Variants in EEIG2 observed in about 807,000 individuals in gnomAD.
EEIG2 encodes the protein EEIG family member 2.
the EEIG2 span, chr1:108,629,521 A>C: frequency 2.8e-6 from 3 of 1,061,878 alleles, no homozygotes; most frequent in Non-Finnish European, 2.8e-6. Context: ...AATTATTACA[A>C]TATCCATATA....
At chr1:108,583,656 G>A in the EEIG2 span, among the ~76,000 whole-genome samples, 1 of 151,996 alleles carries the variant, frequency 6.6e-6, no homozygotes, top group East Asian at 1.9e-4. Context: ...AGTGTAAGAA[G>A]CAAGTGAGGT....
the EEIG2 span, among the ~76,000 whole-genome samples, chr1:108,615,951 A>G: frequency 6.6e-6 from 1 of 152,158 alleles, no homozygotes; most frequent in East Asian, 1.9e-4. Context: ...TTGGGAGTAA[A>G]GACAGATAGA....
At chr1:108,636,873 TAGAG>T in the EEIG2 span, 1 of 152,206 alleles carries the variant, frequency 6.6e-6, no homozygotes, top group African/African-American at 2.4e-5. Flanking sequence ...AGATATTATT[TAGAG>T]AGATATTTAT....
the EEIG2 span, among the ~76,000 whole-genome samples, chr1:108,568,019 A>G: frequency 6.6e-6 from 1 of 152,116 alleles, no homozygotes. Context: ...AAAAGAAAAC[A>G]AAAGAAAAGA....
the EEIG2 span, among the ~76,000 whole-genome samples, chr1:108,602,213 GCAAAAAAGCCC>G: frequency 6.6e-6 from 1 of 151,994 alleles, no homozygotes; most frequent in Non-Finnish European, 1.5e-5. Flanking sequence ...GGACCTGAAA[GCAAAAAAGCCC>G]CTGTACTAGT....
the EEIG2 span, among the ~76,000 whole-genome samples, chr1:108,613,434 T>A: frequency 6.6e-6 from 1 of 152,224 alleles, no homozygotes; most frequent in Non-Finnish European, 1.5e-5. Flanking sequence ...TATTTCCTCG[T>A]ATTTCTTATA....
chr1:108,612,490 A>G, the EEIG2 span, among the ~76,000 whole-genome samples: 2 of 152,348 alleles, frequency 1.3e-5, no homozygotes, highest in South Asian at 4.1e-4. Context: ...GTTCACCTTC[A>G]TGGTCCAAAG....
At chr1:108,565,211 A>T in the EEIG2 span, among the ~76,000 whole-genome samples, 1 of 152,232 alleles carries the variant, frequency 6.6e-6, no homozygotes, top group Non-Finnish European at 1.5e-5. Flanking sequence ...ACAGTCATGT[A>T]TCAGTTAACA....
At chr1:108,585,399 G>C in the EEIG2 span, among the ~76,000 whole-genome samples, 1 of 152,074 alleles carries the variant, frequency 6.6e-6, no homozygotes, top group Non-Finnish European at 1.5e-5. Context: ...AACCTACCCT[G>C]CTCCCTCTGG....
chr1:108,618,384 G>A, the EEIG2 span, among the ~76,000 whole-genome samples: 1 of 152,198 alleles, frequency 6.6e-6, no homozygotes, highest in African/African-American at 2.4e-5. Context: ...GGGGTTTGAA[G>A]AAAGGAAAAG....
the EEIG2 span, among the ~76,000 whole-genome samples, chr1:108,580,968 A>G: frequency 2.6e-5 from 4 of 152,214 alleles, no homozygotes; most frequent in Non-Finnish European, 5.9e-5. Flanking sequence ...GCTAGAGAGA[A>G]GTCAATGCCT....
chr1:108,633,079 C>G, the EEIG2 span, among the ~76,000 whole-genome samples: 36 of 151,824 alleles, frequency 2.4e-4, 2 homozygotes, highest in African/African-American at 7.2e-4. Context: ...GCCGTTGTGC[C>G]AAGCCTTCAA....
At chr1:108,581,216 GAAA>G in the EEIG2 span, among the ~76,000 whole-genome samples, 1 of 150,750 alleles carries the variant, frequency 6.6e-6, no homozygotes, top group Non-Finnish European at 1.5e-5. Flanking sequence ...CTACTGCTCA[GAAA>G]AAAAAAGATT....
At chr1:108,608,620 T>C in the EEIG2 span, among the ~76,000 whole-genome samples, 1 of 152,256 alleles carries the variant, frequency 6.6e-6, no homozygotes, top group Non-Finnish European at 1.5e-5. Context: ...TGTTTCCCAG[T>C]GTCTGCAACT....
the EEIG2 span, among the ~76,000 whole-genome samples, chr1:108,570,864 C>T: frequency 7.3e-3 from 1,104 of 152,110 alleles, 11 homozygotes; most frequent in East Asian, 0.048. Context: ...GGATGAAGGC[C>T]TTAGTGATGT....
chr1:108,576,207 C>A, the EEIG2 span, among the ~76,000 whole-genome samples: 1 of 152,124 alleles, frequency 6.6e-6, no homozygotes, highest in Non-Finnish European at 1.5e-5. Context: ...TAATATAATT[C>A]CTGGACAAAT....
At chr1:108,567,279 C>A in the EEIG2 span, among the ~76,000 whole-genome samples, 4 of 152,142 alleles carry the variant, frequency 2.6e-5, no homozygotes, top group Non-Finnish European at 4.4e-5. Context: ...TTTCCCAGTG[C>A]GTCAGGAACT....
At chr1:108,585,805 C>T in the EEIG2 span, among the ~76,000 whole-genome samples, 1 of 152,092 alleles carries the variant, frequency 6.6e-6, no homozygotes, top group African/African-American at 2.4e-5. Flanking sequence ...TGTAATAACT[C>T]TTTGTGCTGT....
the EEIG2 span, chr1:108,636,633 A>T: frequency 6.6e-6 from 1 of 152,234 alleles, no homozygotes; most frequent in Admixed American, 6.5e-5. Flanking sequence ...TTTTTAAAAA[A>T]TGATACCCTG....
Sources: gnomAD v4.1 joint callset for allele counts (sites outside exome capture counted in the v4.1 genomes callset) on GRCh38, gnomAD v4.1.1 for gene constraint, MANE v1.5 for transcripts, NCBI Gene and HGNC (gene_info 2026-07-23, HGNC 2026-07-21) for gene names.